Variants in DTX2 observed in about 807,000 individuals in gnomAD.
DTX2 encodes the protein deltex E3 ubiquitin ligase 2.
In DTX2, 29 loss-of-function variants were observed where a neutral mutation model predicts 55.3. The ratio of observed to expected loss-of-function variants is 0.52; its 90% CI spans 0.39 to 0.71. DTX2 has a LOEUF of 0.71. Among genes scored for constraint, DTX2 ranks in the 30% least tolerant of loss-of-function variants. The pLI is 0.00. For missense variants in DTX2, 537 were observed against 822.5 expected (o/e 0.65, Z 4.25); for synonymous variants, 276 against 340.4 (o/e 0.81, Z 2.08).
intron 6 of DTX2, among the ~76,000 whole-genome samples, chr7:76,498,441 C>T (rs1455064774): frequency 6.6e-6 from 1 of 151,340 alleles, no homozygotes; most frequent in Non-Finnish European, 1.5e-5. Context: ...TGGCAACCTT[C>T]TGTGGCACTC....
intron 4 of DTX2, among the ~76,000 whole-genome samples, chr7:76,483,673 C>G (rs1809579926): frequency 6.6e-6 from 1 of 150,630 alleles, no homozygotes; most frequent in South Asian, 2.1e-4. Context: ...GCAGCCCAGC[C>G]CAGAGTGCCT....
At position 76,466,289 on chromosome 7, in the gene DTX2, C is replaced by T. The variant is rs1282102014; in HGVS notation, c.-90+2580C>T. 3.3e-5 allele frequency among the ~76,000 whole-genome samples: 5 copies of T among 149,698 alleles called. No individual in the cohort carries two copies. The East Asian group carries it at 5.8e-4, about 17-fold the overall frequency. ...ACAAGATTGATTAGTACACACTCCT[C>T]AGTGTTCATGCCTGACCTACTTTTC... is the stretch of plus-strand genomic sequence containing the variant. On this transcript the variant is annotated intron_variant, in intron 2 of 10. Transcript: ENST00000430490.
chr7:76,505,249 G>A lies in DTX2; in HGVS notation c.1642-125G>A. On this transcript the variant is annotated intron_variant, in intron 10 of 10. Coordinates refer to ENST00000430490, the MANE Select transcript of DTX2 (RefSeq NM_001102594.3). This position sits in a 1 kb window ranked among gnomAD's most constrained non-coding sequence, Gnocchi z 4.4. ...TCCCTGCAGATGGGGTGAGTGCCAGGGAGTGGATGAGTCACCTGGGAGGGG... is the reference window on the plus strand; with the variant it reads ...TCCCTGCAGATGGGGTGAGTGCCAGAGAGTGGATGAGTCACCTGGGAGGGG... The A allele has an allele frequency of 1.3e-6, 1 of 778,186 alleles. No individual in the cohort carries two copies. Among genetic ancestry groups the A allele is most frequent in the East Asian group, 2.7e-5 (1 of 37,296 alleles). The allele number at this position is 778,186 out of a possible 1,614,324, so 48.2% of individuals were successfully genotyped here. A position where few individuals can be genotyped will look rare whatever the true frequency, so the allele number is the denominator to read the frequency against.
In DTX2 at chr7:76,503,438, C is replaced by T. The variant is rs1353405212; in HGVS notation, c.1402C>T (p.Gln468Ter). The change falls in exon 9 of 11, where the codon CAG (glutamine) becomes TAG (stop). Residue 468 changes from glutamine to a stop codon, truncating the protein, a stop_gained. Transcript: ENST00000430490. LOFTEE classifies it high-confidence loss of function. ...CTGCCTCTGTCAGGATGGAAGTCTG[C>T]AGTGTCCCTCCTGCAAAACCATCTA... Reference protein sequence around the residue: ...YCNGNKDGSLQCPSCKTIYGE... With the variant: ...YCNGNKDGSL The T allele has an allele frequency of 6.2e-7, 1 of 1,612,606 alleles. No individual in the cohort carries two copies. The highest frequency in any genetic ancestry group is 1.1e-5 in the South Asian group (1 of 91,040).
chr7:76,479,806 A>G (rs1808964525), intron 2 of DTX2, among the ~76,000 whole-genome samples: 1 of 150,608 alleles, frequency 6.6e-6, no homozygotes, highest in Non-Finnish European at 1.5e-5. Flanking sequence ...GATGAAACAC[A>G]CTAAGCAGTT....
In DTX2 at chr7:76,480,592, T is replaced by G. The variant is rs778185566; in HGVS notation, c.83T>G (p.Leu28Arg). 1 of 1,613,052 alleles carries G rather than the reference T, an allele frequency of 6.2e-7. No individual in the cohort carries two copies. Residue 28 changes from leucine to arginine, a missense_variant, in exon 3 of 11, where the codon CTG becomes CGG. Transcript: ENST00000430490. ...GCCGTGTGGGAATGGCAGGACGGGCTGGGCACCTGGCACCCCTACAGTGCC... is the reference window on the plus strand; with the variant it reads ...GCCGTGTGGGAATGGCAGGACGGGCGGGGCACCTGGCACCCCTACAGTGCC... ...AVAVWEWQDG[L>R]GTWHPYSATV...
intron 2 of DTX2, among the ~76,000 whole-genome samples, chr7:76,469,689 G>A (rs1252548286): frequency 2.0e-5 from 3 of 147,996 alleles, no homozygotes; most frequent in Non-Finnish European, 4.5e-5. Flanking sequence ...CACTGAGCCC[G>A]GCCAAATATT....
chr7:76,482,868 T>G lies in DTX2; in HGVS notation c.629T>G (p.Val210Gly). Reference protein sequence around the residue: ...QCLSGSRTGPVSGRYRHSMTN... With the variant: ...QCLSGSRTGPGSGRYRHSMTN... ...CTCAGTGGCAGCAGAACTGGCCCCGTGTCAGGCCGCTACCGCCACTCCATG... is the reference window on the plus strand; with the variant it reads ...CTCAGTGGCAGCAGAACTGGCCCCGGGTCAGGCCGCTACCGCCACTCCATG... The change falls in exon 4 of 11, where the codon GTG becomes GGG. Residue 210 changes from valine to glycine, a missense_variant. Val to Gly is a moderately radical substitution (Grantham distance 109, BLOSUM62 -3). Transcript: ENST00000430490. 6.2e-7 allele frequency: 1 copy of G among 1,613,778 alleles called. No homozygotes were observed. Among genetic ancestry groups the G allele is most frequent in the Non-Finnish European group, 8.5e-7 (1 of 1,179,718 alleles).
intron 2 of DTX2, chr7:76,472,123 G>GT (rs1807995084): frequency 6.6e-6 from 1 of 151,180 alleles, no homozygotes. Context: ...AACATGGATG[G>GT]TTTGTTCTTC....
chr7:76,463,002 G>A (rs1806758159), intron 1 of DTX2, among the ~76,000 whole-genome samples: 1 of 107,886 alleles, frequency 9.3e-6, no homozygotes, highest in Non-Finnish European at 1.8e-5. Context: ...AGGAGTTGGA[G>A]GCTGCAGTGA....
At position 76,502,559 on chromosome 7, in the gene DTX2, C is replaced by T. The variant is rs1811858306; in HGVS notation, c.1389+103C>T. On this transcript the variant is annotated intron_variant, in intron 8 of 10. Transcript: ENST00000430490. ...TTCCGGGGGTGGCTGTAGGAATGGG[C>T]CTCTGCAAAAGATGGTGCTGGGCGT... 4.5e-6 allele frequency: 6 copies of T among 1,336,808 alleles called. No homozygotes were observed. In the Admixed American group the frequency reaches 7.7e-5, roughly 17 times the overall value. The allele number at this position is 1,336,808 out of a possible 1,614,324, so 82.8% of individuals were successfully genotyped here. A position where few individuals can be genotyped will look rare whatever the true frequency, so the allele number is the denominator to read the frequency against.
chr7:76,504,651 A>G (rs1467013881), intron 10 of DTX2, among the ~76,000 whole-genome samples: 4 of 152,084 alleles, frequency 2.6e-5, no homozygotes, highest in South Asian at 2.1e-4. Context: ...AGAGGCCATC[A>G]CCTTCCAGCA....
chr7:76,500,078 C>T (rs2116585514), intron 6 of DTX2: 1 of 358,806 alleles, frequency 2.8e-6, no homozygotes, highest in Admixed American at 3.7e-5. Flanking sequence ...TAGTTTGTGC[C>T]CGAAGCGGCT....
At position 76,482,797 on chromosome 7, in the gene DTX2, C is replaced by T. The variant is rs147213959; in HGVS notation, c.558C>T (p.Ile186=). The change falls in exon 4 of 11, where the codon ATC becomes ATT. Residue 186 remains isoleucine (I), a synonymous_variant. Coordinates refer to ENST00000430490, the MANE Select transcript of DTX2 (RefSeq NM_001102594.3). ...CGCCTTACCCGGTGACCACCATCAT[C>T]GCTCCGCCGGGCCACACAGGCGTCG... ...AGPPYPVTTI[I]APPGHTGVAC... is the part of the protein sequence containing the mutation. 460 of 1,613,808 alleles carry T rather than the reference C, an allele frequency of 2.9e-4. 1 individual carries two copies. The highest frequency in any genetic ancestry group is 3.7e-4 in the Non-Finnish European group (432 of 1,179,812).
chr7:76,491,233 C>T (rs1361722562), intron 4 of DTX2, among the ~76,000 whole-genome samples: 3 of 150,838 alleles, frequency 2.0e-5, no homozygotes, highest in Middle Eastern at 3.5e-3. Context: ...CCTGACCTCG[C>T]GATCCACCCA....
chr7:76,502,348 T>C lies in DTX2; in HGVS notation c.1281T>C (p.Asp427=), dbSNP rs200474916. The change falls in exon 8 of 11, where the codon GAT becomes GAC. Residue 427 remains aspartate, a synonymous_variant. Transcript: ENST00000430490. ...EKLSTASGYS[D]VTDSKAIGSL... is the part of the protein sequence containing the mutation. ...TGTCCACAGCGTCTGGATACAGCGA[T>C]GTGACTGACAGCAAGGCAATCGGGT... 35 of 1,611,382 alleles carry C rather than the reference T, an allele frequency of 2.2e-5. 1 individual carries two copies. In the South Asian group the frequency reaches 3.4e-4, roughly 16 times the overall value.
intron 7 of DTX2, among the ~76,000 whole-genome samples, chr7:76,501,030 G>A (rs1811606848): frequency 6.6e-6 from 1 of 152,098 alleles, no homozygotes; most frequent in East Asian, 1.9e-4. Context: ...GTAATGAACA[G>A]GACCAATCAG....
chr7:76,491,655 A>T (rs542368044), intron 4 of DTX2, among the ~76,000 whole-genome samples: 1 of 91,192 alleles, frequency 1.1e-5, no homozygotes, highest in East Asian at 2.9e-4. Context: ...CTTTATTCAC[A>T]ACAGGTATGA....
chr7:76,501,537 A>C (rs1811684772), intron 7 of DTX2, among the ~76,000 whole-genome samples: 2 of 150,804 alleles, frequency 1.3e-5, no homozygotes, highest in Non-Finnish European at 3.0e-5. Flanking sequence ...CCCAACTCAC[A>C]CACAGCCCCA....
Sources: allele counts gnomAD v4.1 joint callset (sites outside exome capture counted in the v4.1 genomes callset), GRCh38; gene constraint gnomAD v4.1.1; non-coding constraint Gnocchi (gnomAD v3.1); transcripts MANE v1.5; gene names NCBI Gene and HGNC (gene_info 2026-07-23, HGNC 2026-07-21).